Variants in FUT9 observed in about 807,000 individuals in gnomAD.
FUT9 encodes the protein 4-galactosyl-N-acetylglucosaminide 3-alpha-L-fucosyltransferase 9.
In FUT9, 15 loss-of-function variants were observed where a neutral mutation model predicts 29.7. That is an observed-to-expected ratio of 0.51 (90% CI 0.34 to 0.78). The LOEUF (loss-of-function observed/expected upper bound fraction) is 0.78. FUT9 is among the 30% of genes least tolerant of loss of function. The probability of loss-of-function intolerance (pLI) is 0.01; values close to 1 mark genes in which losing one functional copy is unlikely to be tolerated. For synonymous variants in FUT9, 169 were observed against 153.7 expected (o/e 1.10, Z -0.74); for missense variants, 319 against 425.4 (o/e 0.75, Z 2.20).
intron 1 of FUT9, among the ~76,000 whole-genome samples, chr6:96,041,508 G>T (rs2127932826): frequency 6.6e-6 from 1 of 152,182 alleles, no homozygotes; most frequent in East Asian, 1.9e-4. Context: ...CCATTTCTAT[G>T]CAGGAAAATA....
chr6:96,069,471 GTTAAT>G (rs1771017698), intron 1 of FUT9, among the ~76,000 whole-genome samples: 1 of 151,948 alleles, frequency 6.6e-6, no homozygotes, highest in Non-Finnish European at 1.5e-5. Context: ...TAAAAATATA[GTTAAT>G]TTAATTTTAA....
intron 2 of FUT9, among the ~76,000 whole-genome samples, chr6:96,123,197 TTGACCAAA>T (rs1344606530): frequency 6.6e-6 from 1 of 152,166 alleles, no homozygotes; most frequent in African/African-American, 2.4e-5. Context: ...AATCTAATTA[TTGACCAAA>T]GGATATGACT....
At chr6:96,155,355 A>G (rs1362050052) in intron 2 of FUT9, among the ~76,000 whole-genome samples, 2 of 152,146 alleles carry the variant, frequency 1.3e-5, no homozygotes, top group Non-Finnish European at 2.9e-5. Context: ...AATCTCCAGT[A>G]TGTTTTTGGA....
intron 1 of FUT9, among the ~76,000 whole-genome samples, chr6:96,089,307 T>C (rs1443857473): frequency 1.3e-5 from 2 of 152,202 alleles, no homozygotes; most frequent in Non-Finnish European, 2.9e-5. Flanking sequence ...TCTACCCTGC[T>C]AGCCTCCTTG....
At chr6:96,048,524 T>C (rs1408898979) in intron 1 of FUT9, among the ~76,000 whole-genome samples, 2 of 152,186 alleles carry the variant, frequency 1.3e-5, no homozygotes, top group Non-Finnish European at 2.9e-5. Flanking sequence ...GGTTTCCAAA[T>C]TGGACAAAAG....
rs141497208 is a variant in FUT9 at position 96,114,729 on chromosome 6, A to G, written c.-9+602A>G. ...GTTCATTTCACATGATTAAAAAATAAGGAAGGAGGTAGAATTCTGGGATAC... is the reference window on the plus strand; with the variant it reads ...GTTCATTTCACATGATTAAAAAATAGGGAAGGAGGTAGAATTCTGGGATAC... On this transcript the variant is annotated intron_variant, in intron 2 of 2. Transcript: ENST00000302103. Among the ~76,000 whole-genome samples, 456 of 152,294 alleles carry G rather than the reference A, an allele frequency of 3.0e-3. 1 individual carries two copies. Among genetic ancestry groups the G allele is most frequent in the African/African-American group, 0.01 (427 of 41,572 alleles).
chr6:96,172,657 A>T (rs1052864415), intron 2 of FUT9, among the ~76,000 whole-genome samples: 1 of 152,144 alleles, frequency 6.6e-6, no homozygotes. Flanking sequence ...CGTTATTGAA[A>T]AAAAAAACTG....
chr6:96,121,836 T>C (rs962014833), intron 2 of FUT9, among the ~76,000 whole-genome samples: 6 of 99,492 alleles, frequency 6.0e-5, no homozygotes, highest in African/African-American at 1.8e-4. Flanking sequence ...GTTTGAAATA[T>C]AATCTGCCTT....
rs180691736 is a variant in FUT9, at chr6:96,089,371, G to A, written c.-97-24668G>A. Among the ~76,000 whole-genome samples the A allele has an allele frequency of 2.5e-3, 382 of 152,240 alleles. 1 individual carries two copies. The highest frequency in any genetic ancestry group is 3.9e-3 in the Non-Finnish European group (263 of 68,034). On this transcript the variant is annotated intron_variant, in intron 1 of 2. Coordinates refer to ENST00000302103, the MANE Select transcript of FUT9 (RefSeq NM_006581.4). ...GGCAGGCAATCAGGCTCCACCTGGT[G>A]TCCCTTTCCCTGAGCTGCAGCCTAA...
intron 2 of FUT9, among the ~76,000 whole-genome samples, chr6:96,120,168 T>G (rs1005413311): frequency 6.6e-5 from 10 of 152,048 alleles, no homozygotes; most frequent in African/African-American, 2.4e-4. Flanking sequence ...TCTACCATCG[T>G]AGAAGTCTAT....
intron 2 of FUT9, among the ~76,000 whole-genome samples, chr6:96,155,137 C>T (rs1029503709): frequency 6.6e-6 from 1 of 152,144 alleles, no homozygotes; most frequent in Admixed American, 6.6e-5. Context: ...CCTATAATGC[C>T]TGCCTTTTTT....
Position 96,074,198 on chromosome 6 carries a change from G to A in FUT9, c.-97-39841G>A, listed in dbSNP as rs1430861908. On this transcript the variant is annotated intron_variant, in intron 1 of 2. Transcript: ENST00000302103. ...CCACAGTGTCCCCATCCCTGAGAAT[G>A]CAGCCTGCCTGGCAGCTGCACGTGG... Among the ~76,000 whole-genome samples the A allele has an allele frequency of 4.6e-5, 7 of 152,092 alleles. No individual in the cohort carries two copies. The South Asian group carries it at 1.0e-3, about 23-fold the overall frequency.
At chr6:96,082,222 A>T (rs567753287) in intron 1 of FUT9, among the ~76,000 whole-genome samples, 23 of 151,800 alleles carry the variant, frequency 1.5e-4, no homozygotes, top group Admixed American at 2.6e-4. Flanking sequence ...TTTAGCAGAA[A>T]TTTTTCAACC....
At chr6:96,120,339 C>T (rs1176315928) in intron 2 of FUT9, among the ~76,000 whole-genome samples, 1 of 141,114 alleles carries the variant, frequency 7.1e-6, no homozygotes, top group African/African-American at 2.6e-5. Flanking sequence ...GGTGCGATCT[C>T]GGCCCAATGC....
intron 2 of FUT9, among the ~76,000 whole-genome samples, chr6:96,134,701 A>C (rs1301801943): frequency 6.6e-6 from 1 of 151,918 alleles, no homozygotes; most frequent in East Asian, 1.9e-4. Flanking sequence ...AAATAGTGCA[A>C]CTGAAAATTA....
At chr6:96,079,672 A>C (rs1265372230) in intron 1 of FUT9, among the ~76,000 whole-genome samples, 1 of 152,100 alleles carries the variant, frequency 6.6e-6, no homozygotes, top group Admixed American at 6.5e-5. Context: ...TAATAATCCT[A>C]TTGTTCTACA....
intron 1 of FUT9, among the ~76,000 whole-genome samples, chr6:96,043,191 A>G (rs1770496733): frequency 6.6e-6 from 1 of 152,090 alleles, no homozygotes; most frequent in African/African-American, 2.4e-5. Flanking sequence ...AGCTGGGACT[A>G]CAGGCGCCCA....
Position 96,203,984 on chromosome 6 carries a change from T to C in FUT9, c.829T>C (p.Tyr277His). The C allele has an allele frequency of 1.2e-6, 2 of 1,613,118 alleles. No individual in the cohort carries two copies. Among genetic ancestry groups the C allele is most frequent in the Non-Finnish European group, 1.7e-6 (2 of 1,179,686 alleles). The change falls in exon 3 of 3, where the codon TAT becomes CAT. Residue 277 changes from tyrosine (Y) to histidine (H), a missense_variant. Tyr to His is a moderately conservative substitution (Grantham distance 83, BLOSUM62 2). Coordinates refer to ENST00000302103, the MANE Select transcript of FUT9 (RefSeq NM_006581.4). ...PVVLGPSREN[Y>H]ENYIPADSFI... ...TGTTCTGGGACCATCTAGGGAAAAC[T>C]ATGAGAATTATATTCCAGCAGATTC... is the stretch of plus-strand genomic sequence containing the variant.
At chr6:96,055,809 T>A (rs1770755805) in intron 1 of FUT9, among the ~76,000 whole-genome samples, 1 of 151,534 alleles carries the variant, frequency 6.6e-6, no homozygotes, top group Non-Finnish European at 1.5e-5. Flanking sequence ...CCTCCCACAG[T>A]GCTGGGATTA....
Sources: gnomAD v4.1 joint callset for allele counts (sites outside exome capture counted in the v4.1 genomes callset) on GRCh38, gnomAD v4.1.1 for gene constraint, MANE v1.5 for transcripts, NCBI Gene and HGNC (gene_info 2026-07-23, HGNC 2026-07-21) for gene names.